Variants in MGAT4C observed in about 807,000 individuals in gnomAD.
MGAT4C encodes the protein alpha-1,3-mannosyl-glycoprotein 4-beta-N-acetylglucosaminyltransferase C.
MGAT4C carries 19 observed loss-of-function variants against 40.1 expected under a neutral mutation model. The ratio of observed to expected loss-of-function variants is 0.47; its 90% CI spans 0.33 to 0.70. MGAT4C has a LOEUF of 0.70. MGAT4C is among the 30% of genes least tolerant of loss of function. The pLI, the probability that MGAT4C is intolerant of heterozygous loss-of-function variation, is 0.02. For synonymous variants in MGAT4C, 181 were observed against 187.1 expected (o/e 0.97, Z 0.27); for missense variants, 491 against 563.2 (o/e 0.87, Z 1.30).
chr12:86,793,949 A>T (rs1349823099), intron 1 of MGAT4C, among the ~76,000 whole-genome samples: 1 of 151,964 alleles, frequency 6.6e-6, no homozygotes, highest in East Asian at 1.9e-4. Context: ...AAATAAATAA[A>T]TAGGCCAAGA....
At chr12:86,291,854 T>C (rs749845711) in intron 4 of MGAT4C, among the ~76,000 whole-genome samples, 2 of 152,146 alleles carry the variant, frequency 1.3e-5, no homozygotes, top group South Asian at 2.1e-4. Context: ...GTGGAAGATA[T>C]GAAAAATAGC....
chr12:86,049,959 T>C (rs1461217380), intron 1 of MGAT4C, among the ~76,000 whole-genome samples: 1 of 151,954 alleles, frequency 6.6e-6, no homozygotes, highest in African/African-American at 2.4e-5. Flanking sequence ...AAATTTTTCA[T>C]TTAAAGTATC....
rs558220942 is a variant in MGAT4C at position 86,519,592 on chromosome 12, C to T, written c.-228-84327G>A. Reference sequence around the variant, plus strand: ...TATTGCCTGTCTTTTTAAATACAAGCCATTTTAACTGGGGTGTAATGATAT... The same window carrying T: ...TATTGCCTGTCTTTTTAAATACAAGTCATTTTAACTGGGGTGTAATGATAT... On this transcript the variant is annotated intron_variant, in intron 2 of 7. Coordinates refer to the MGAT4C transcript ENST00000548651. Among the ~76,000 whole-genome samples the T allele has an allele frequency of 7.6e-4, 116 of 152,104 alleles. 1 individual carries two copies. The highest frequency in any genetic ancestry group is 2.7e-3 in the African/African-American group (114 of 41,512).
intron 1 of MGAT4C, among the ~76,000 whole-genome samples, chr12:86,141,970 GT>G (rs1215163758): frequency 6.6e-6 from 1 of 152,062 alleles, no homozygotes; most frequent in African/African-American, 2.4e-5. Context: ...GAGAGTTACT[GT>G]CCTTTTCTTA....
At chr12:86,350,061 G>A (rs764610666) in intron 3 of MGAT4C, among the ~76,000 whole-genome samples, 2 of 152,038 alleles carry the variant, frequency 1.3e-5, no homozygotes, top group Non-Finnish European at 2.9e-5. Flanking sequence ...GACCTCCTGT[G>A]CTATGTAGTT....
At chr12:86,188,798 A>G (rs1313887449) in intron 1 of MGAT4C, among the ~76,000 whole-genome samples, 1 of 151,996 alleles carries the variant, frequency 6.6e-6, no homozygotes, top group Middle Eastern at 3.2e-3. Flanking sequence ...TGGAAGGGAA[A>G]AAAGTCACTA....
At chr12:86,603,776 A>G (rs1961931858) in intron 2 of MGAT4C, among the ~76,000 whole-genome samples, 1 of 65,004 alleles carries the variant, frequency 1.5e-5, no homozygotes, top group Non-Finnish European at 3.1e-5. Context: ...ATAATTATAT[A>G]TACTATATAA....
chr12:86,001,673 C>G, intron 2 of MGAT4C: 1 of 976,782 alleles, frequency 1.0e-6, no homozygotes, highest in South Asian at 4.7e-5. Context: ...TTGGTATAGT[C>G]ACATGCTTCT....
At chr12:86,596,713 T>G (rs1961550667) in intron 2 of MGAT4C, among the ~76,000 whole-genome samples, 1 of 152,136 alleles carries the variant, frequency 6.6e-6, no homozygotes, top group Non-Finnish European at 1.5e-5. Flanking sequence ...AAGAACAGAA[T>G]ATATCTGAGA....
At chr12:86,579,920 T>C (rs1960712349) in intron 2 of MGAT4C, among the ~76,000 whole-genome samples, 1 of 151,576 alleles carries the variant, frequency 6.6e-6, no homozygotes, top group Non-Finnish European at 1.5e-5. Context: ...TCAAATGTAT[T>C]GAAGCCCCAT....
At chr12:86,162,543 C>T (rs145332261) in intron 1 of MGAT4C, among the ~76,000 whole-genome samples, 1 of 152,184 alleles carries the variant, frequency 6.6e-6, no homozygotes, top group African/African-American at 2.4e-5. Context: ...GTACTATGCT[C>T]ATTATTTGGA....
At chr12:86,719,729 A>C (rs1305129850) in intron 2 of MGAT4C, among the ~76,000 whole-genome samples, 2 of 152,116 alleles carry the variant, frequency 1.3e-5, no homozygotes, top group Non-Finnish European at 2.9e-5. Context: ...CTTCCTTTTA[A>C]ATTTATACTG....
chr12:86,299,274 G>A (rs1304767079), intron 4 of MGAT4C, among the ~76,000 whole-genome samples: 9 of 152,018 alleles, frequency 5.9e-5, no homozygotes, highest in East Asian at 1.9e-4. Context: ...ATGCCACCAG[G>A]CCCAGCTATT....
Position 85,965,597 on chromosome 12 carries a change from A to C in MGAT4C, c.*13692T>G, listed in dbSNP as rs1488637873. 1.8e-5 allele frequency: 1 copy of C among 55,058 alleles called. No individual in the cohort carries two copies. The highest frequency in any genetic ancestry group is 1.6e-4 in the Admixed American group (1 of 6,108). The allele number at this position is 55,058 out of a possible 1,614,324, so 3.4% of individuals were successfully genotyped here. ...GGGCAAAAGAGTGAGACTCTGTCTC[A>C]AAAAAAAAAAAAAAAAAAAAAAAGG... On this transcript the variant is annotated 3_prime_UTR_variant, in exon 5 of 5. Coordinates refer to ENST00000611864, the MANE Select transcript of MGAT4C (RefSeq NM_001351288.2).
At chr12:86,454,151 T>C (rs1406241873) in intron 2 of MGAT4C, among the ~76,000 whole-genome samples, 3 of 152,172 alleles carry the variant, frequency 2.0e-5, no homozygotes, top group Admixed American at 6.6e-5. Context: ...GTAAAATGCC[T>C]ACAATTAGAG....
intron 3 of MGAT4C, among the ~76,000 whole-genome samples, chr12:86,417,952 T>C (rs1215575441): frequency 6.6e-6 from 1 of 152,164 alleles, no homozygotes; most frequent in Non-Finnish European, 1.5e-5. Context: ...GCTTATAAAC[T>C]GAGTTTCTTG....
At chr12:86,460,882 C>G (rs1243224309) in intron 2 of MGAT4C, among the ~76,000 whole-genome samples, 2 of 152,038 alleles carry the variant, frequency 1.3e-5, no homozygotes, top group African/African-American at 4.8e-5. Flanking sequence ...AAATAGCCCA[C>G]TTTTTAAATT....
At chr12:86,162,754 G>A (rs1392962803) in intron 1 of MGAT4C, among the ~76,000 whole-genome samples, 1 of 152,098 alleles carries the variant, frequency 6.6e-6, no homozygotes, top group Non-Finnish European at 1.5e-5. Flanking sequence ...AACTAGGAAA[G>A]CAAATATTCA....
intron 2 of MGAT4C, among the ~76,000 whole-genome samples, chr12:86,684,032 C>A (rs950381640): frequency 6.6e-6 from 1 of 151,866 alleles, no homozygotes; most frequent in Non-Finnish European, 1.5e-5. Context: ...TTCCTAATTT[C>A]TTTCTATCTA....
Sources: allele counts gnomAD v4.1 joint callset (sites outside exome capture counted in the v4.1 genomes callset), GRCh38; gene constraint gnomAD v4.1.1; transcripts MANE v1.5; gene names NCBI Gene and HGNC (gene_info 2026-07-23, HGNC 2026-07-21).